Variants in TLK2 observed in about 807,000 individuals in gnomAD.
TLK2 encodes serine/threonine-protein kinase tousled-like 2.
In TLK2, 6 loss-of-function variants were observed where a neutral mutation model predicts 117.3. The observed-to-expected ratio is 0.05, with a 90% confidence interval of 0.03 to 0.10. The LOEUF is 0.10. TLK2 is among the 10% of genes least tolerant of loss of function. TLK2 has a pLI of 1.00. For missense variants in TLK2, 299 were observed against 901.2 expected, an observed-to-expected ratio of 0.33 and a Z score of 8.56; for synonymous variants, 257 against 316.7, an observed-to-expected ratio of 0.81 and a Z score of 2.00.
At chr17:62,528,784 G>A (rs561612762) in intron 6 of TLK2, among the ~76,000 whole-genome samples, 23 of 152,214 alleles carry the variant, frequency 1.5e-4, no homozygotes, top group African/African-American at 5.1e-4. Flanking sequence ...AGACTGATGT[G>A]GCCTGCAAAA....
At chr17:62,498,429 G>T (rs1387675149) in intron 2 of TLK2, among the ~76,000 whole-genome samples, 6 of 143,042 alleles carry the variant, frequency 4.2e-5, no homozygotes, top group Admixed American at 7.2e-5. Context: ...TTGCTCTGTC[G>T]CCCAGGCTGT....
chr17:62,548,455 A>G (rs1302302163), intron 7 of TLK2, among the ~76,000 whole-genome samples: 3 of 150,906 alleles, frequency 2.0e-5, no homozygotes, highest in Non-Finnish European at 4.4e-5. Context: ...CTAATTTTTT[A>G]TATTTTTAGT....
intron 16 of TLK2, among the ~76,000 whole-genome samples, chr17:62,590,978 G>A (rs2082033861): frequency 1.3e-5 from 2 of 152,200 alleles, no homozygotes; most frequent in South Asian, 4.1e-4. Context: ...TGGGCAGGGC[G>A]TAGTGGTCCA....
At chr17:62,536,552 A>AG (rs2077126855) in intron 7 of TLK2, among the ~76,000 whole-genome samples, 1 of 152,038 alleles carries the variant, frequency 6.6e-6, no homozygotes, top group Non-Finnish European at 1.5e-5. Context: ...CAAGCTCCTG[A>AG]GGGAGACTGC....
chr17:62,602,988 A>G (rs2082982097), intron 19 of TLK2, among the ~76,000 whole-genome samples: 1 of 152,280 alleles, frequency 6.6e-6, no homozygotes, highest in South Asian at 2.1e-4. Flanking sequence ...TAGTCCAAAT[A>G]CAAGTCTCTC....
At chr17:62,569,161 C>G (rs968236492) in intron 11 of TLK2, among the ~76,000 whole-genome samples, 1 of 151,158 alleles carries the variant, frequency 6.6e-6, no homozygotes, top group African/African-American at 2.4e-5. Context: ...AAAAATTAGC[C>G]GGGCATGGTG....
intron 10 of TLK2, among the ~76,000 whole-genome samples, chr17:62,561,400 CG>C (rs2146363302): frequency 6.6e-6 from 1 of 152,280 alleles, no homozygotes; most frequent in South Asian, 2.1e-4. Flanking sequence ...TGAGGAATTG[CG>C]GGGTTTCGCC....
intron 7 of TLK2, among the ~76,000 whole-genome samples, chr17:62,544,843 A>G (rs187110141): frequency 3.9e-5 from 6 of 152,310 alleles, no homozygotes; most frequent in African/African-American, 1.4e-4. Flanking sequence ...TGAACACAAA[A>G]TATCTATTTA....
chr17:62,569,165 C>T (rs980953509), intron 11 of TLK2, among the ~76,000 whole-genome samples: 7 of 151,296 alleles, frequency 4.6e-5, no homozygotes, highest in African/African-American at 1.7e-4. Flanking sequence ...ATTAGCCGGG[C>T]ATGGTGGCGT....
rs773812975 is a variant in TLK2 at position 62,520,860 on chromosome 17, C to T, written c.153+16C>T. ...AGAAGTAGAGGTAAGAAGCTATGTT[C>T]ATGGCAGGACTTTTCATACTTGTAC... On this transcript the variant is annotated intron_variant, in intron 3 of 21. Transcript: ENST00000346027. 2.8e-5 allele frequency: 45 copies of T among 1,611,508 alleles called. No homozygotes were observed. The highest frequency in any genetic ancestry group is 8.9e-5 in the East Asian group (4 of 44,738).
intron 2 of TLK2, among the ~76,000 whole-genome samples, chr17:62,512,477 C>T (rs1352639963): frequency 6.6e-6 from 1 of 152,008 alleles, no homozygotes; most frequent in Non-Finnish European, 1.5e-5. Context: ...CCTGCCTCAG[C>T]CTCCCAAAGT....
chr17:62,595,304 T>A (rs1319910312), intron 16 of TLK2, among the ~76,000 whole-genome samples: 4 of 148,868 alleles, frequency 2.7e-5, no homozygotes, highest in Admixed American at 6.7e-5. Context: ...TTTTTTTTTT[T>A]AAATCAGCGT....
At chr17:62,544,468 T>C (rs1268587706) in intron 7 of TLK2, among the ~76,000 whole-genome samples, 1 of 152,146 alleles carries the variant, frequency 6.6e-6, no homozygotes, top group Non-Finnish European at 1.5e-5. Context: ...GGGGGAAATA[T>C]GCCCTCGTGA....
chr17:62,577,951 G>A lies in TLK2; in HGVS notation c.1189-526G>A, dbSNP rs184149281. Among the ~76,000 whole-genome samples the A allele has an allele frequency of 2.0e-5, 3 of 152,260 alleles. No homozygotes were observed. In the East Asian group the frequency reaches 5.8e-4, roughly 29 times the overall value. ...AATCCCAGCTACTCGGGAGGCTGAG[G>A]CAGGAGAATCACTTGGACCTGGGAG... On this transcript the variant is annotated intron_variant, in intron 13 of 21. Coordinates refer to ENST00000346027, the MANE Select transcript of TLK2 (RefSeq NM_006852.6).
Position 62,608,153 on chromosome 17 carries a change from G to A in TLK2, c.2079+5G>A, listed in dbSNP as rs1162498158. On this transcript the variant is annotated splice_donor_5th_base_variant and intron_variant, in intron 21 of 21. Coordinates refer to ENST00000346027, the MANE Select transcript of TLK2 (RefSeq NM_006852.6). ...GTAGTAACACCTGAAGCAAAGGTAA[G>A]TTTTGTTTGACCCATTGGCCAACAG... 3 of 1,610,228 alleles carry A rather than the reference G, an allele frequency of 1.9e-6. No homozygotes were observed. Among genetic ancestry groups the A allele is most frequent in the Non-Finnish European group, 2.5e-6 (3 of 1,178,948 alleles).
chr17:62,572,464 C>G (rs1298705862), intron 11 of TLK2, among the ~76,000 whole-genome samples: 2 of 151,408 alleles, frequency 1.3e-5, no homozygotes, highest in African/African-American at 4.9e-5. Flanking sequence ...AATTTGTAAA[C>G]TAGTTAATCA....
At chr17:62,585,295 C>T (rs2081529079) in intron 15 of TLK2, among the ~76,000 whole-genome samples, 1 of 152,222 alleles carries the variant, frequency 6.6e-6, no homozygotes, top group African/African-American at 2.4e-5. Context: ...GTAATCCCAG[C>T]ACTTTGGGAG....
At chr17:62,497,194 G>C (rs1337453645) in intron 2 of TLK2, among the ~76,000 whole-genome samples, 2 of 152,036 alleles carry the variant, frequency 1.3e-5, no homozygotes, top group Non-Finnish European at 2.9e-5. Context: ...AGTCTTGGAG[G>C]TCGAGGTCAA....
intron 13 of TLK2, among the ~76,000 whole-genome samples, chr17:62,578,193 A>G (rs992468628): frequency 2.6e-5 from 4 of 152,232 alleles, no homozygotes; most frequent in African/African-American, 9.6e-5. Context: ...AAACTTATGT[A>G]AGAAACTTAA....
Sources: allele counts gnomAD v4.1 joint callset (sites outside exome capture counted in the v4.1 genomes callset), GRCh38; gene constraint gnomAD v4.1.1; transcripts MANE v1.5; gene names NCBI Gene and HGNC (gene_info 2026-07-23, HGNC 2026-07-21).